The following CEP63 variants were observed in gnomAD, a reference collection of about 807,000 sequenced individuals.
CEP63 encodes centrosomal protein 63.
In CEP63, 84 loss-of-function variants were observed where a neutral mutation model predicts 89.1. The observed-to-expected ratio is 0.94, with a 90% CI of 0.79 to 1.13. The LOEUF (loss-of-function observed/expected upper bound fraction) is 1.13, where lower values mean the gene tolerates loss of function less well. CEP63 is among the 50% of genes most tolerant of loss of function. CEP63 has a pLI of 0.00. For synonymous variants in CEP63, 267 were observed against 272.5 expected (o/e 0.98, Z 0.20); for missense variants, 838 against 813.3 (o/e 1.03, Z -0.37).
At chr3:134,732,394 G>A in the CEP63 span, among the ~76,000 whole-genome samples, 49 of 152,164 alleles carry the variant, frequency 3.2e-4, 1 homozygote, top group Middle Eastern at 0.014. Flanking sequence ...CCAAAATGCT[G>A]TAATCAGAAA....
At chr3:134,568,099 T>C (rs1362692399), downstream of CEP63, among the ~76,000 whole-genome samples, 1 of 152,198 alleles carries the variant, frequency 6.6e-6, no homozygotes, top group African/African-American at 2.4e-5. Flanking sequence ...AAACTAGTCT[T>C]CCTAGTCCTT....
At chr3:134,554,768 C>T (rs375367441) in intron 12 of CEP63, among the ~76,000 whole-genome samples, 15 of 150,776 alleles carry the variant, frequency 9.9e-5, no homozygotes, top group African/African-American at 2.5e-4. Context: ...TTTTTAATGA[C>T]TGCCATTCTA....
the CEP63 span, chr3:134,615,566 C>CTA: frequency 6.7e-6 from 1 of 150,244 alleles, no homozygotes; most frequent in Non-Finnish European, 1.5e-5. Flanking sequence ...TTGTTTTGAT[C>CTA]TATACACTTG....
the CEP63 span, among the ~76,000 whole-genome samples, chr3:134,761,155 T>C: frequency 6.6e-6 from 1 of 152,192 alleles, no homozygotes; most frequent in Non-Finnish European, 1.5e-5. Context: ...CCTCTGCACA[T>C]CCACTGTTCT....
At chr3:134,567,818 T>G (rs898163493), downstream of CEP63, among the ~76,000 whole-genome samples, 1 of 152,218 alleles carries the variant, frequency 6.6e-6, no homozygotes, top group Non-Finnish European at 1.5e-5. Context: ...AGGCAGTGTC[T>G]TGGCTAAGTG....
chr3:134,766,022 ACTC>A, the CEP63 span, among the ~76,000 whole-genome samples: 1 of 151,976 alleles, frequency 6.6e-6, no homozygotes, highest in African/African-American at 2.4e-5. Context: ...GCTGAGCCTG[ACTC>A]CTCATGATTT....
chr3:134,531,856 G>C lies in CEP63; in HGVS notation c.234G>C (p.Leu78Phe). Reference protein sequence around the residue: ...LDVTHKEVGMLHQQVEEHEKI... With the variant: ...LDVTHKEVGMFHQQVEEHEKI... ...CTTTCTGCTTTTAGGTTGGAATGTT[G>C]CATCAGCAGGTAGAAGAACATGAAA... The change falls in exon 4 of 15, where the codon TTG becomes TTC. Residue 78 changes from leucine to phenylalanine, a missense_variant. Leu to Phe is a conservative substitution (Grantham distance 22, BLOSUM62 0). Transcript: ENST00000675561. The C allele has an allele frequency of 6.2e-7, 1 of 1,612,960 alleles. No individual in the cohort carries two copies. Among genetic ancestry groups the C allele is most frequent in the South Asian group, 1.1e-5 (1 of 91,064 alleles).
chr3:134,599,716 G>C, the CEP63 span, among the ~76,000 whole-genome samples: 2 of 152,142 alleles, frequency 1.3e-5, no homozygotes, highest in Admixed American at 1.3e-4. Flanking sequence ...GTGAACCATA[G>C]AGTGGCTGGA....
At chr3:134,524,778 T>C (rs1948277223) in intron 3 of CEP63, among the ~76,000 whole-genome samples, 1 of 152,178 alleles carries the variant, frequency 6.6e-6, no homozygotes, top group Admixed American at 6.5e-5. Flanking sequence ...CTGGATTTGA[T>C]TTGCCATTAT....
chr3:134,492,276 G>A (rs988762621), intron 1 of CEP63, among the ~76,000 whole-genome samples: 9 of 151,978 alleles, frequency 5.9e-5, no homozygotes, highest in African/African-American at 1.9e-4. Context: ...GTTTCACCGT[G>A]TTAGCCAGGA....
chr3:134,752,330 A>G, the CEP63 span, among the ~76,000 whole-genome samples: 18 of 152,126 alleles, frequency 1.2e-4, no homozygotes, highest in African/African-American at 4.3e-4. Flanking sequence ...TGTGGCCATT[A>G]CCACAACCAG....
chr3:134,558,097 G>A (rs764063194), intron 12 of CEP63, 45 bp from the exon 13 acceptor site: 13 of 1,477,370 alleles, frequency 8.8e-6, no homozygotes, highest in Non-Finnish European at 1.1e-5. Context: ...CAGATCACAG[G>A]TATTCTTGTA....
At chr3:134,771,512 G>A in the CEP63 span, among the ~76,000 whole-genome samples, 3 of 152,194 alleles carry the variant, frequency 2.0e-5, no homozygotes, top group Admixed American at 6.5e-5. Context: ...GCAGGTCAGG[G>A]TGGGGCCTGA....
the CEP63 span, among the ~76,000 whole-genome samples, chr3:134,770,288 C>A: frequency 1.3e-5 from 2 of 152,180 alleles, no homozygotes; most frequent in South Asian, 4.1e-4. Context: ...TTTAATAGAA[C>A]CCCCAGGTGA....
chr3:134,659,364 G>T, the CEP63 span, among the ~76,000 whole-genome samples: 8 of 152,192 alleles, frequency 5.3e-5, no homozygotes, highest in Admixed American at 2.0e-4. Flanking sequence ...CTCCATACCA[G>T]TCACCTCCTT....
the CEP63 span, among the ~76,000 whole-genome samples, chr3:134,647,044 T>G: frequency 6.6e-6 from 1 of 152,184 alleles, no homozygotes; most frequent in East Asian, 1.9e-4. Flanking sequence ...TTCTCAGGCT[T>G]CAAGTCATAC....
chr3:134,510,611 G>T, intron 3 of CEP63: 1 of 659,524 alleles, frequency 1.5e-6, no homozygotes, highest in Non-Finnish European at 2.8e-6. Flanking sequence ...GCAGGGGTGG[G>T]AAATTGGGAG....
At chr3:134,566,417 G>A (rs565286111), downstream of CEP63, among the ~76,000 whole-genome samples, 3 of 152,190 alleles carry the variant, frequency 2.0e-5, no homozygotes, top group South Asian at 6.2e-4. Flanking sequence ...AATCTTGAAG[G>A]TGTCTGTGAA....
intron 6 of CEP63, among the ~76,000 whole-genome samples, chr3:134,543,564 TA>T (rs1952519283): frequency 6.6e-6 from 1 of 152,244 alleles, no homozygotes; most frequent in South Asian, 2.1e-4. Flanking sequence ...ACTATTAGTT[TA>T]TTATATCAAT....
Sources: gnomAD v4.1 joint callset for allele counts (sites outside exome capture counted in the v4.1 genomes callset) on GRCh38, gnomAD v4.1.1 for gene constraint, MANE v1.5 for transcripts, NCBI Gene and HGNC (gene_info 2026-07-23, HGNC 2026-07-21) for gene names.